The following SLC35F4 variants were observed in gnomAD, a reference collection of about 807,000 sequenced individuals.
SLC35F4 encodes chromosome 14 open reading frame 36.
In SLC35F4, 24 loss-of-function variants were observed where a neutral mutation model predicts 44.2. The ratio of observed to expected loss-of-function variants is 0.54; its 90% CI spans 0.39 to 0.76. SLC35F4 has a LOEUF of 0.76. SLC35F4 is among the 30% of genes least tolerant of loss of function. The pLI, the probability that SLC35F4 is intolerant of heterozygous loss-of-function variation, is 0.00. For synonymous variants in SLC35F4, 238 were observed against 223.6 expected, an observed-to-expected ratio of 1.06 and a Z score of -0.57; for missense variants, 562 against 586.1, an observed-to-expected ratio of 0.96 and a Z score of 0.42.
At chr14:57,830,936 A>G (rs943199354) in intron 1 of SLC35F4, among the ~76,000 whole-genome samples, 5 of 152,192 alleles carry the variant, frequency 3.3e-5, no homozygotes, top group Non-Finnish European at 7.3e-5. Context: ...CAGCACTTGT[A>G]TAGAGAACAC....
rs555901756 is a variant in SLC35F4 at position 57,577,560 on chromosome 14, T to C, written c.807+3654A>G. Among the ~76,000 whole-genome samples, 14 of 152,266 alleles carry C rather than the reference T, an allele frequency of 9.2e-5. No individual in the cohort carries two copies. The South Asian group carries it at 2.7e-3, about 29-fold the overall frequency. On this transcript the variant is annotated intron_variant, in intron 4 of 7. Coordinates refer to ENST00000556826, the MANE Select transcript of SLC35F4 (RefSeq NM_001306087.2). ...AGAGGGACAAAATCTGAAAGAAAGT[T>C]TCTACCATTCTAGTCTGGCATCTAC...
intron 1 of SLC35F4, among the ~76,000 whole-genome samples, chr14:57,963,346 C>T (rs887135497): frequency 8.5e-5 from 13 of 152,176 alleles, no homozygotes; most frequent in African/African-American, 3.1e-4. Context: ...GACTGACCAA[C>T]ACAGATGCAG....
chr14:57,747,253 A>C (rs140663536), intron 1 of SLC35F4, among the ~76,000 whole-genome samples: 1,618 of 152,302 alleles, frequency 0.011, 13 homozygotes, highest in Admixed American at 0.017. Context: ...GCACGTGCTT[A>C]CTGCACTGGG....
At chr14:57,981,017 G>A (rs1356523463) in intron 1 of SLC35F4, among the ~76,000 whole-genome samples, 1 of 152,084 alleles carries the variant, frequency 6.6e-6, no homozygotes, top group Non-Finnish European at 1.5e-5. Context: ...AAGGCTGTAT[G>A]CATCAATGGA....
intron 1 of SLC35F4, among the ~76,000 whole-genome samples, chr14:57,873,918 T>C (rs775537134): frequency 6.6e-6 from 1 of 152,248 alleles, no homozygotes; most frequent in Non-Finnish European, 1.5e-5. Context: ...AGGTCTCTAA[T>C]TCTTCTGTCT....
chr14:57,953,256 C>G (rs1308964990), intron 1 of SLC35F4, among the ~76,000 whole-genome samples: 1 of 152,150 alleles, frequency 6.6e-6, no homozygotes, highest in Non-Finnish European at 1.5e-5. Flanking sequence ...ACCACCAGGC[C>G]TGACTTACAA....
Position 57,589,188 on chromosome 14 carries a change from C to G in SLC35F4, c.587+28G>C, listed in dbSNP as rs1241372793. ...TTTTCATAAAACATTTCAATGATCT[C>G]TTATTGGGCAGTTAACATGAAACCT... On this transcript the variant is annotated intron_variant, in intron 3 of 7. Transcript: ENST00000556826. 1.9e-6 allele frequency: 3 copies of G among 1,571,046 alleles called. No homozygotes were observed. In the African/African-American group the frequency reaches 4.1e-5, roughly 21 times the overall value.
At chr14:57,748,633 T>C (rs1485936583) in intron 1 of SLC35F4, among the ~76,000 whole-genome samples, 1 of 152,196 alleles carries the variant, frequency 6.6e-6, no homozygotes, top group African/African-American at 2.4e-5. Context: ...ACCTTTGTCT[T>C]ATTTCAGCAT....
intron 1 of SLC35F4, among the ~76,000 whole-genome samples, chr14:57,875,660 CA>C: frequency 6.6e-6 from 1 of 152,174 alleles, no homozygotes; most frequent in Non-Finnish European, 1.5e-5. Flanking sequence ...ATGACAGCAG[CA>C]AAATTCCAAG....
In SLC35F4 at chr14:57,589,454, G is replaced by A. The variant is rs144819567; in HGVS notation, c.349C>T (p.Arg117Cys). 497 of 1,613,752 alleles carry A rather than the reference G, an allele frequency of 3.1e-4. 3 individuals carry two copies. In the African/African-American group the frequency reaches 5.8e-3, roughly 19 times the overall value. ...NSSQENRIKA[R>C]CLSCTSMVLK... ...ACCATGGACGTGCAGGACAGGCAGC[G>A]AGCCTTGATTCTGTTTTCTTGGCTG... Residue 117 changes from arginine (R) to cysteine (C), a missense_variant, in exon 3 of 8, where the codon CGC becomes TGC. By Grantham distance (180) the Arg-to-Cys change is radical. Transcript: ENST00000556826.
chr14:57,933,679 T>C (rs1392384771), intron 1 of SLC35F4, among the ~76,000 whole-genome samples: 1 of 152,148 alleles, frequency 6.6e-6, no homozygotes, highest in East Asian at 1.9e-4. Context: ...TTGAAATCAA[T>C]GCAGATGGTT....
chr14:57,590,226 C>CAAAAAAAAAA (rs55850524), intron 2 of SLC35F4, among the ~76,000 whole-genome samples: 107 of 119,144 alleles, frequency 9.0e-4, no homozygotes, highest in African/African-American at 3.2e-3. Context: ...CTTGTCTATG[C>CAAAAAAAAAA]AAAAAAAAAA....
chr14:57,909,886 A>C (rs1227467228), intron 1 of SLC35F4, among the ~76,000 whole-genome samples: 2 of 152,160 alleles, frequency 1.3e-5, no homozygotes, highest in African/African-American at 2.4e-5. Flanking sequence ...ATTTTGTAAG[A>C]AACTGCCAAA....
chr14:57,619,310 G>C (rs2072042128), intron 1 of SLC35F4, among the ~76,000 whole-genome samples: 1 of 152,124 alleles, frequency 6.6e-6, no homozygotes, highest in Non-Finnish European at 1.5e-5. Context: ...GCATCTGGCG[G>C]GTGCCCCTCT....
intron 1 of SLC35F4, among the ~76,000 whole-genome samples, chr14:57,677,415 TAA>T (rs1441405654): frequency 6.1e-5 from 6 of 99,160 alleles, no homozygotes; most frequent in Admixed American, 1.7e-4. Context: ...GAAAAAAAAA[TAA>T]AAATTATTTA....
intron 1 of SLC35F4, among the ~76,000 whole-genome samples, chr14:57,764,538 T>C (rs1042200443): frequency 6.6e-6 from 1 of 152,242 alleles, no homozygotes; most frequent in Non-Finnish European, 1.5e-5. Context: ...AACTCTTCCC[T>C]GTCTTCAGGA....
At chr14:57,567,455 G>A (rs952159107) in intron 6 of SLC35F4, among the ~76,000 whole-genome samples, 10 of 152,258 alleles carry the variant, frequency 6.6e-5, no homozygotes, top group East Asian at 1.9e-4. Flanking sequence ...AGAAGCATTC[G>A]AATAAGGATG....
chr14:57,930,835 A>G (rs1345129287), intron 1 of SLC35F4, among the ~76,000 whole-genome samples: 1 of 152,180 alleles, frequency 6.6e-6, no homozygotes, highest in Non-Finnish European at 1.5e-5. Context: ...AAAGGCAACC[A>G]CCTAATCGTA....
chr14:57,878,208 A>T (rs28446070), intron 1 of SLC35F4, among the ~76,000 whole-genome samples: 11,845 of 152,102 alleles, frequency 0.078, 649 homozygotes, highest in African/African-American at 0.16. Flanking sequence ...TCTTGATATT[A>T]GACCTTTGTT....
Sources: allele counts gnomAD v4.1 joint callset (sites outside exome capture counted in the v4.1 genomes callset), GRCh38; gene constraint gnomAD v4.1.1; transcripts MANE v1.5; gene names NCBI Gene and HGNC (gene_info 2026-07-23, HGNC 2026-07-21).